The following SMARCA1 variants were observed in gnomAD, a reference collection of about 807,000 sequenced individuals.
The protein encoded by SMARCA1 is SWI/SNF-related matrix-associated actin-dependent regulator of chromatin subfamily A member 1.
In SMARCA1, 17 loss-of-function variants were observed where a neutral mutation model predicts 93.6. The ratio of observed to expected loss-of-function variants is 0.18; its 90% CI spans 0.12 to 0.27. The LOEUF (loss-of-function observed/expected upper bound fraction) is 0.27. Among genes scored for constraint, SMARCA1 ranks in the 10% least tolerant of loss-of-function variants. The pLI is 1.00. For synonymous variants in SMARCA1, 271 were observed against 271.4 expected, an observed-to-expected ratio of 1.00 and a Z score of 0.01; for missense variants, 630 against 819.0, an observed-to-expected ratio of 0.77 and a Z score of 2.82.
Position 129,523,293 on chromosome X carries a change from G to T in SMARCA1, c.78C>A (p.Asp26Glu), listed in dbSNP as rs771263904. 8.3e-7 allele frequency: 1 copy of T among 1,208,629 alleles called. No individual in the cohort carries two copies. The highest frequency in any genetic ancestry group is 1.8e-5 in the South Asian group (1 of 56,838). The change falls in exon 1 of 25, where the codon GAC becomes GAA. Residue 26 changes from aspartate to glutamate, a missense_variant. By Grantham distance (45) the Asp-to-Glu change is conservative (BLOSUM62 2). Around this residue, in one of 4 missense-constraint regions of SMARCA1, gnomAD observed 103 missense variants for 82.0 expected, o/e 1.26. Coordinates refer to ENST00000371121, the MANE Select transcript of SMARCA1 (RefSeq NM_001282874.2). ...DATATIVVIE[D>E]EQPGPSTSQE... The stretch of plus-strand genomic sequence containing the variant: ...GAGAGGTGGACGGCCCGGGCTGCTC[G>T]TCCTCTATGACCACGATAGTGGCGG...
At chrX:129,501,126 G>A (rs1934540186) in intron 9 of SMARCA1, among the ~76,000 whole-genome samples, 1 of 111,400 alleles carries the variant, frequency 9.0e-6, no homozygotes, top group Admixed American at 9.5e-5. Flanking sequence ...GGCCATCAAA[G>A]GAACTTTGCT....
chrX:129,459,236 T>C (rs1932759173), intron 23 of SMARCA1, among the ~76,000 whole-genome samples: 1 of 110,951 alleles, frequency 9.0e-6, no homozygotes, highest in Admixed American at 9.6e-5. Context: ...CGGGCCAACA[T>C]GGTGAAACCT....
chrX:129,515,939 G>A lies in SMARCA1; in HGVS notation c.484C>T (p.Arg162Trp), dbSNP rs770623410. 9 of 1,209,619 alleles carry A rather than the reference G, an allele frequency of 7.4e-6. No homozygotes were observed. The highest frequency in any genetic ancestry group is 4.3e-5 in the Admixed American group (2 of 46,069). Residue 162 changes from arginine to tryptophan, a missense_variant, in exon 4 of 25, where the codon CGG becomes TGG. Around this residue, in one of 4 missense-constraint regions of SMARCA1, gnomAD observed 382 missense variants for 537.9 expected, o/e 0.71. Transcript: ENST00000371121. ...EEDEELLSESRKTSNVCIRFE... is the reference protein window; with the variant it reads ...EEDEELLSESWKTSNVCIRFE... ...CTAATACACACATTAGATGTTTTCC[G>A]ACTCTCAGACAGTAGCTCTTCATCT...
chrX:129,458,980 G>A (rs766510055), intron 23 of SMARCA1, among the ~76,000 whole-genome samples: 103 of 112,045 alleles, frequency 9.2e-4, no homozygotes, highest in African/African-American at 3.2e-3. Flanking sequence ...TCATACTAAC[G>A]AAAAGCAATG....
rs1020730613 is a variant in SMARCA1 at position 129,448,535 on chromosome X, T to C, written c.3031-92A>G. 112 of 837,658 alleles carry C rather than the reference T, an allele frequency of 1.3e-4. No individual in the cohort carries two copies. The African/African-American group carries it at 1.9e-3, about 15-fold the overall frequency. The allele number at this position is 837,658 out of a possible 1,213,427, so 69.0% of individuals were successfully genotyped here. A position where few individuals can be genotyped will look rare whatever the true frequency, so the allele number is the denominator to read the frequency against. On this transcript the variant is annotated intron_variant, in intron 23 of 24. Coordinates refer to ENST00000371121, the MANE Select transcript of SMARCA1 (RefSeq NM_001282874.2). ...ATTTAACTGTATGATTTCTGTGGTA[T>C]AGAATTTCCAAAACTGCTATTTTTC...
At chrX:129,458,746 T>C (rs1602649828) in intron 23 of SMARCA1, among the ~76,000 whole-genome samples, 1 of 112,145 alleles carries the variant, frequency 8.9e-6, no homozygotes, top group Non-Finnish European at 1.9e-5. Context: ...CCTGTTATGG[T>C]TGAAAGTCAA....
chrX:129,514,265 C>G (rs1251379095), intron 5 of SMARCA1, among the ~76,000 whole-genome samples: 1 of 111,071 alleles, frequency 9.0e-6, no homozygotes, highest in Non-Finnish European at 1.9e-5. Context: ...TGCAGTGAGC[C>G]GAGATCATGC....
At chrX:129,511,516 C>A (rs1274555066) in intron 6 of SMARCA1, among the ~76,000 whole-genome samples, 1 of 108,978 alleles carries the variant, frequency 9.2e-6, no homozygotes, top group Non-Finnish European at 1.9e-5. Flanking sequence ...AAAAGTCACT[C>A]AAAGTACAAT....
chrX:129,501,591 C>A (rs983593614), intron 9 of SMARCA1, among the ~76,000 whole-genome samples: 8 of 108,374 alleles, frequency 7.4e-5, no homozygotes, highest in Admixed American at 3.0e-4. Flanking sequence ...CCACTGCGCC[C>A]GGCCCGCCAA....
chrX:129,494,715 A>G (rs188689401), intron 12 of SMARCA1, among the ~76,000 whole-genome samples: 100 of 111,529 alleles, frequency 9.0e-4, no homozygotes, highest in East Asian at 3.7e-3. Flanking sequence ...GCTCATACCT[A>G]TTATATCCTC....
At chrX:129,478,689 G>A (rs1165404862) in intron 19 of SMARCA1, among the ~76,000 whole-genome samples, 1 of 112,207 alleles carries the variant, frequency 8.9e-6, no homozygotes, top group African/African-American at 3.2e-5. Context: ...TGGCCAGAAT[G>A]TGGTGGTCAC....
At chrX:129,519,481 A>G (rs954616454) in intron 1 of SMARCA1, among the ~76,000 whole-genome samples, 1 of 111,856 alleles carries the variant, frequency 8.9e-6, no homozygotes, top group Non-Finnish European at 1.9e-5. Context: ...GACCTTAAAC[A>G]TAAGAAAAAT....
At chrX:129,460,911 A>G (rs974776054) in intron 23 of SMARCA1, among the ~76,000 whole-genome samples, 1 of 112,238 alleles carries the variant, frequency 8.9e-6, no homozygotes, top group African/African-American at 3.2e-5. Context: ...AGCTAAAGCA[A>G]TATTTTCTAA....
intron 19 of SMARCA1, 83 bp from the exon 20 acceptor site, chrX:129,471,409 A>T: frequency 1.7e-6 from 1 of 599,918 alleles, no homozygotes; most frequent in African/African-American, 2.3e-5. Flanking sequence ...CAATCTTTAG[A>T]GTTATTTCAA....
chrX:129,453,888 T>A (rs1932441621), intron 23 of SMARCA1, among the ~76,000 whole-genome samples: 1 of 112,003 alleles, frequency 8.9e-6, no homozygotes, highest in Non-Finnish European at 1.9e-5. Flanking sequence ...ATAGATTAAA[T>A]GCTATCCCCA....
chrX:129,508,824 T>C (rs1331516706), intron 6 of SMARCA1, among the ~76,000 whole-genome samples: 1 of 112,445 alleles, frequency 8.9e-6, no homozygotes, highest in African/African-American at 3.2e-5. Context: ...TTCCAGATGT[T>C]ATCAGTCAAA....
Position 129,481,079 on chromosome X carries a change from G to A in SMARCA1, c.2324C>T (p.Pro775Leu). 1 of 1,178,882 alleles carries A rather than the reference G, an allele frequency of 8.5e-7. No individual in the cohort carries two copies. Among genetic ancestry groups the A allele is most frequent in the Non-Finnish European group, 1.2e-6 (1 of 868,081 alleles). ...ACTGGCCTTGTACAGTTTTACCTTT[G>A]GAATCTTTGGCTCGCTGACACGCAA... ...EALRVSEPKI[P>L]KAPRPPKQPN... The change falls in exon 18 of 25, where the codon CCA becomes CTA. Residue 775 changes from proline (P) to leucine (L), a missense_variant. Pro to Leu is a moderately conservative substitution (Grantham distance 98). Coordinates refer to ENST00000371121, the MANE Select transcript of SMARCA1 (RefSeq NM_001282874.2).
chrX:129,500,980 A>G (rs775960559), intron 9 of SMARCA1, among the ~76,000 whole-genome samples: 29 of 112,829 alleles, frequency 2.6e-4, no homozygotes, highest in African/African-American at 9.0e-4. Context: ...AAGACAGGTT[A>G]TATCACAAGA....
chrX:129,461,324 T>C (rs1285858868), intron 23 of SMARCA1, among the ~76,000 whole-genome samples: 9 of 112,009 alleles, frequency 8.0e-5, no homozygotes, highest in Admixed American at 6.6e-4. Context: ...TCAAGAAATG[T>C]TCCTTATTTC....
Sources: gnomAD v4.1 joint callset for allele counts (sites outside exome capture counted in the v4.1 genomes callset) on GRCh38, gnomAD v4.1.1 for gene constraint, gnomAD v4.1.1 regional missense constraint, MANE v1.5 for transcripts, NCBI Gene and HGNC (gene_info 2026-07-23, HGNC 2026-07-21) for gene names.